The following ZNF385D variants were observed in gnomAD, a reference collection of about 807,000 sequenced individuals.
The protein encoded by ZNF385D is zinc finger protein 385D, also known as zinc finger protein 659.
ZNF385D carries 15 observed loss-of-function variants against 35.8 expected under a neutral mutation model. The ratio of observed to expected loss-of-function variants is 0.42; its 90% CI spans 0.28 to 0.64. ZNF385D has a LOEUF of 0.64. ZNF385D is among the 30% of genes least tolerant of loss of function. The pLI, the probability that ZNF385D is intolerant of heterozygous loss-of-function variation, is 0.23. For missense variants in ZNF385D, 474 were observed against 494.6 expected, an observed-to-expected ratio of 0.96 and a Z score of 0.39; for synonymous variants, 212 against 186.8, an observed-to-expected ratio of 1.13 and a Z score of -1.10.
At chr3:21,427,232 T>C (rs1031249282) in intron 5 of ZNF385D, among the ~76,000 whole-genome samples, 1 of 152,276 alleles carries the variant, frequency 6.6e-6, no homozygotes, top group African/African-American at 2.4e-5. Context: ...AAACAAAATA[T>C]GTAAATGATT....
chr3:21,912,288 C>A (rs1320638669), intron 3 of ZNF385D, among the ~76,000 whole-genome samples: 3 of 149,456 alleles, frequency 2.0e-5, no homozygotes, highest in Non-Finnish European at 2.9e-5. Context: ...AGTAGTTTAC[C>A]CATTTGTTGC....
intron 3 of ZNF385D, among the ~76,000 whole-genome samples, chr3:22,117,196 T>C (rs990815759): frequency 2.6e-5 from 4 of 152,008 alleles, no homozygotes; most frequent in African/African-American, 9.7e-5. Context: ...TATGTAAATA[T>C]TTTAAATTAT....
chr3:21,721,045 C>G (rs530079787), intron 1 of ZNF385D, among the ~76,000 whole-genome samples: 1 of 152,158 alleles, frequency 6.6e-6, no homozygotes, highest in East Asian at 1.9e-4. Context: ...CCTTTCTTAT[C>G]AAAAGAAAGT....
intron 2 of ZNF385D, among the ~76,000 whole-genome samples, chr3:22,214,403 C>A (rs975461897): frequency 6.6e-6 from 1 of 151,968 alleles, no homozygotes; most frequent in African/African-American, 2.4e-5. Context: ...GAAATCTGGG[C>A]ACCTTGAAAA....
chr3:22,013,442 T>A (rs1394454214), intron 3 of ZNF385D, among the ~76,000 whole-genome samples: 1 of 152,150 alleles, frequency 6.6e-6, no homozygotes, highest in Non-Finnish European at 1.5e-5. Context: ...TTAATGCTTT[T>A]ATGTTTTGTA....
intron 1 of ZNF385D, 52 bp downstream of exon 1, chr3:21,750,843 C>T (rs2070039479): frequency 1.9e-6 from 3 of 1,609,090 alleles, no homozygotes; most frequent in Admixed American, 1.7e-5. Flanking sequence ...CTTGTCTGCA[C>T]GGATGAAGAG....
chr3:21,919,067 T>C (rs1297446408), intron 3 of ZNF385D, among the ~76,000 whole-genome samples: 3 of 152,240 alleles, frequency 2.0e-5, no homozygotes, highest in Non-Finnish European at 4.4e-5. Context: ...TGGTCTTCTC[T>C]AATAACATTT....
At chr3:21,826,023 C>T (rs1004999116) in intron 3 of ZNF385D, among the ~76,000 whole-genome samples, 4 of 152,122 alleles carry the variant, frequency 2.6e-5, no homozygotes, top group Non-Finnish European at 5.9e-5. Flanking sequence ...CAGTTTCATC[C>T]CCTTCTTCCC....
intron 4 of ZNF385D, among the ~76,000 whole-genome samples, chr3:21,445,395 T>G (rs918583911): frequency 5.3e-5 from 8 of 152,186 alleles, no homozygotes; most frequent in Non-Finnish European, 1.2e-4. Flanking sequence ...AGCTCTCTAT[T>G]TAAAGAGAGA....
chr3:21,494,568 C>G (rs763676316), intron 4 of ZNF385D, among the ~76,000 whole-genome samples: 3 of 152,164 alleles, frequency 2.0e-5, no homozygotes, highest in Non-Finnish European at 4.4e-5. Flanking sequence ...AAACGCCACT[C>G]AAACTCTAGC....
chr3:21,810,999 T>TATATATAC (rs66506182), intron 3 of ZNF385D, among the ~76,000 whole-genome samples: 2 of 65,418 alleles, frequency 3.1e-5, no homozygotes, highest in Non-Finnish European at 5.6e-5. Context: ...TGTGTGTGTG[T>TATATATAC]ATATATATAT....
chr3:21,508,064 A>G (rs567929813), intron 4 of ZNF385D, among the ~76,000 whole-genome samples: 83 of 152,120 alleles, frequency 5.5e-4, no homozygotes, highest in African/African-American at 1.9e-3. Flanking sequence ...GGATTAGGAA[A>G]GCAATGTCTT....
At chr3:21,620,345 A>G (rs2064968147) in intron 2 of ZNF385D, among the ~76,000 whole-genome samples, 1 of 125,382 alleles carries the variant, frequency 8.0e-6, no homozygotes, top group Non-Finnish European at 1.8e-5. Context: ...TAAAAAGAGG[A>G]ATTTTTAAAC....
chr3:21,507,534 G>A (rs1238278789), intron 4 of ZNF385D, among the ~76,000 whole-genome samples: 2 of 152,036 alleles, frequency 1.3e-5, no homozygotes, highest in Non-Finnish European at 2.9e-5. Flanking sequence ...CATGATCTTT[G>A]ATTCTAGAGT....
intron 3 of ZNF385D, among the ~76,000 whole-genome samples, chr3:21,963,119 TA>T (rs1702690522): frequency 1.3e-5 from 2 of 152,226 alleles, no homozygotes; most frequent in South Asian, 4.1e-4. Context: ...AGAAATTTAA[TA>T]CAATTTTCCT....
chr3:21,847,647 A>C (rs1696095873), intron 3 of ZNF385D, among the ~76,000 whole-genome samples: 1 of 151,908 alleles, frequency 6.6e-6, no homozygotes, highest in Non-Finnish European at 1.5e-5. Context: ...GTTATTGAGA[A>C]ATTTTTTATA....
chr3:21,492,093 G>C (rs924079924), intron 4 of ZNF385D, among the ~76,000 whole-genome samples: 4 of 152,084 alleles, frequency 2.6e-5, no homozygotes, highest in African/African-American at 9.7e-5. Context: ...CAACCAGGAA[G>C]TGACACATTA....
chr3:21,552,881 A>G (rs751994084), intron 3 of ZNF385D, among the ~76,000 whole-genome samples: 3 of 152,198 alleles, frequency 2.0e-5, no homozygotes, highest in Non-Finnish European at 4.4e-5. Flanking sequence ...AGCTGACTTT[A>G]AAATAAGGAA....
rs1051689769 is a variant in ZNF385D at position 22,351,243 on chromosome 3, G to A, written c.106+21207C>T. Among the ~76,000 whole-genome samples, 6 of 152,132 alleles carry A rather than the reference G, an allele frequency of 3.9e-5. No individual in the cohort carries two copies. The East Asian group carries it at 9.6e-4, about 24-fold the overall frequency. On this transcript the variant is annotated intron_variant, in intron 2 of 5. Coordinates refer to the ZNF385D transcript ENST00000494108. ...GACAGTAATTTTAGCCAAGCTAAAT[G>A]AATATGCTGCATTCTAATGTCACTG...
Sources: allele counts gnomAD v4.1 joint callset (sites outside exome capture counted in the v4.1 genomes callset), GRCh38; gene constraint gnomAD v4.1.1; transcripts MANE v1.5; gene names NCBI Gene and HGNC (gene_info 2026-07-23, HGNC 2026-07-21).